NFIB: variants seen among roughly 807,000 people sequenced by gnomAD.
The protein encoded by NFIB is nuclear factor 1 B-type.
In NFIB, 11 loss-of-function variants were observed where a neutral mutation model predicts 61.5. The observed-to-expected ratio is 0.18, with a 90% CI of 0.11 to 0.30. NFIB has a LOEUF of 0.30. NFIB is among the 10% of genes least tolerant of loss of function. NFIB has a pLI of 1.00. For synonymous variants in NFIB, 260 were observed against 216.5 expected, an observed-to-expected ratio of 1.20 and a Z score of -1.76; for missense variants, 471 against 608.9, an observed-to-expected ratio of 0.77 and a Z score of 2.38.
At chr9:14,491,685 C>G in the NFIB span, among the ~76,000 whole-genome samples, 1 of 152,138 alleles carries the variant, frequency 6.6e-6, no homozygotes, top group Non-Finnish European at 1.5e-5. Context: ...TACTTCTTAT[C>G]TATTGAGTTT....
intron 10 of NFIB, chr9:14,102,418 T>G (rs1382683236): frequency 6.5e-7 from 1 of 1,549,352 alleles, no homozygotes; most frequent in South Asian, 1.2e-5. Context: ...AATTAAAATG[T>G]TACCTTTGCC....
the NFIB span, among the ~76,000 whole-genome samples, chr9:14,451,923 C>T: frequency 1.3e-5 from 2 of 151,538 alleles, no homozygotes; most frequent in African/African-American, 2.4e-5. Flanking sequence ...TTAATTTGTA[C>T]GTCTGGACCA....
the NFIB span, among the ~76,000 whole-genome samples, chr9:14,431,613 T>C: frequency 6.6e-6 from 1 of 150,746 alleles, no homozygotes; most frequent in Non-Finnish European, 1.5e-5. Flanking sequence ...ATCTCCCCTC[T>C]CTCCACCATT....
At chr9:14,467,204 G>C in the NFIB span, among the ~76,000 whole-genome samples, 2 of 152,244 alleles carry the variant, frequency 1.3e-5, no homozygotes, top group African/African-American at 4.8e-5. Context: ...GGCACCACAG[G>C]CTGTCCTGAT....
chr9:14,377,271 G>C (rs2061430776), intron 1 of NFIB, among the ~76,000 whole-genome samples: 1 of 152,144 alleles, frequency 6.6e-6, no homozygotes. Context: ...CCAAGACTGG[G>C]GTGCAATGGG....
chr9:14,435,649 C>T, the NFIB span, among the ~76,000 whole-genome samples: 1 of 152,190 alleles, frequency 6.6e-6, no homozygotes, highest in African/African-American at 2.4e-5. Flanking sequence ...AAGTTTACAA[C>T]ATTCCATATA....
intron 2 of NFIB, among the ~76,000 whole-genome samples, chr9:14,289,187 A>G (rs1324180349): frequency 1.4e-5 from 2 of 146,716 alleles, no homozygotes; most frequent in African/African-American, 5.0e-5. Flanking sequence ...TTACCAAAAT[A>G]TATAATATAT....
At chr9:14,181,676 A>G (rs138291501) in intron 2 of NFIB, among the ~76,000 whole-genome samples, 9 of 152,302 alleles carry the variant, frequency 5.9e-5, no homozygotes, top group African/African-American at 1.9e-4. Context: ...TTGATATTAC[A>G]TTCCAGTTTA....
At chr9:14,238,833 A>C (rs1489230614) in intron 2 of NFIB, among the ~76,000 whole-genome samples, 1 of 152,172 alleles carries the variant, frequency 6.6e-6, no homozygotes, top group African/African-American at 2.4e-5. Context: ...CCGAGATATA[A>C]ATCTGTGGGC....
At chr9:14,209,079 C>T (rs539525741) in intron 2 of NFIB, among the ~76,000 whole-genome samples, 1 of 152,274 alleles carries the variant, frequency 6.6e-6, no homozygotes, top group African/African-American at 2.4e-5. Flanking sequence ...AATTATGTTG[C>T]CTCTGTCTTA....
the NFIB span, among the ~76,000 whole-genome samples, chr9:14,468,541 C>T: frequency 9.8e-5 from 15 of 152,294 alleles, no homozygotes; most frequent in African/African-American, 3.1e-4. Context: ...TTTTGTTGCA[C>T]TATTTCTGAG....
intron 6 of NFIB, among the ~76,000 whole-genome samples, chr9:14,140,233 C>G (rs1226004928): frequency 1.3e-5 from 2 of 152,168 alleles, no homozygotes; most frequent in African/African-American, 4.8e-5. Context: ...CTGCCATTTT[C>G]TAGGACTTCA....
intron 3 of NFIB, among the ~76,000 whole-genome samples, chr9:14,170,281 T>C (rs1381390596): frequency 6.6e-6 from 1 of 152,170 alleles, no homozygotes; most frequent in East Asian, 1.9e-4. Context: ...CAAAAGCAGA[T>C]CTTGTAAATA....
At chr9:14,222,166 A>G (rs1049186928) in intron 2 of NFIB, among the ~76,000 whole-genome samples, 2 of 152,132 alleles carry the variant, frequency 1.3e-5, no homozygotes, top group Non-Finnish European at 2.9e-5. Context: ...TTTCCAAAAC[A>G]CTTTCTACAT....
the NFIB span, among the ~76,000 whole-genome samples, chr9:14,492,993 G>A: frequency 2.0e-5 from 3 of 152,128 alleles, no homozygotes; most frequent in Non-Finnish European, 4.4e-5. Context: ...ACTGGGTTTT[G>A]TTCACATTTC....
intron 1 of NFIB, among the ~76,000 whole-genome samples, chr9:14,330,612 T>C (rs553108348): frequency 6.6e-6 from 1 of 152,220 alleles, no homozygotes; most frequent in Non-Finnish European, 1.5e-5. Context: ...TCACTGCCAT[T>C]TCATCATCAT....
rs566156320 is a variant in NFIB at position 14,240,073 on chromosome 9, C to T, written c.563-60293G>A. The stretch of plus-strand genomic sequence containing the variant: ...AAGTCCATTACTCTTGACTATATTG[C>T]CAATTTCTCAAATAATACACTGGTC... On this transcript the variant is annotated intron_variant, in intron 2 of 10. Coordinates refer to ENST00000380953, the MANE Select transcript of NFIB (RefSeq NM_001190737.2). 3.3e-5 allele frequency among the ~76,000 whole-genome samples: 5 copies of T among 152,140 alleles called. No homozygotes were observed. The South Asian group carries it at 1.0e-3, about 32-fold the overall frequency.
At chr9:14,244,779 A>T (rs1286287290) in intron 2 of NFIB, among the ~76,000 whole-genome samples, 1 of 152,176 alleles carries the variant, frequency 6.6e-6, no homozygotes, top group African/African-American at 2.4e-5. Flanking sequence ...GGAACACAAT[A>T]AGTACTAAAA....
At chr9:14,226,645 T>C (rs901121286) in intron 2 of NFIB, among the ~76,000 whole-genome samples, 9 of 151,942 alleles carry the variant, frequency 5.9e-5, no homozygotes, top group Non-Finnish European at 1.2e-4. Flanking sequence ...TAAAAATTAG[T>C]CCAGATAATT....
Sources: allele counts gnomAD v4.1 joint callset (sites outside exome capture counted in the v4.1 genomes callset), GRCh38; gene constraint gnomAD v4.1.1; transcripts MANE v1.5; gene names NCBI Gene and HGNC (gene_info 2026-07-23, HGNC 2026-07-21).